RNF13: variants seen among roughly 807,000 people sequenced by gnomAD.
The protein encoded by RNF13 is E3 ubiquitin-protein ligase RNF13.
A neutral mutation model predicts 37.7 loss-of-function variants in RNF13; 19 were observed. The observed-to-expected ratio is 0.50, with a 90% confidence interval of 0.35 to 0.74. The LOEUF is 0.74. Among genes scored for constraint, RNF13 ranks in the 30% least tolerant of loss-of-function variants. RNF13 has a pLI of 0.01. For missense variants in RNF13, 375 were observed against 453.0 expected (o/e 0.83, Z 1.56); for synonymous variants, 144 against 157.8 (o/e 0.91, Z 0.65).
intron 4 of RNF13, among the ~76,000 whole-genome samples, chr3:149,884,143 G>C (rs1283139029): frequency 6.6e-6 from 1 of 152,112 alleles, no homozygotes; most frequent in Non-Finnish European, 1.5e-5. Context: ...GTTGTGAATA[G>C]TGCATGTCTA....
intron 6 of RNF13, among the ~76,000 whole-genome samples, chr3:149,908,302 G>A (rs1716637275): frequency 6.6e-6 from 1 of 152,094 alleles, no homozygotes; most frequent in South Asian, 2.1e-4. Flanking sequence ...GCCTTTGGGA[G>A]GGTATTTAAT....
intron 8 of RNF13, among the ~76,000 whole-genome samples, chr3:149,942,550 G>T (rs571840573): frequency 7.9e-5 from 12 of 152,162 alleles, no homozygotes; most frequent in African/African-American, 2.9e-4. Context: ...TTGATTGTTA[G>T]TGTATAGAAA....
chr3:149,813,830 A>G (rs1719151127), intron 1 of RNF13: 1 of 152,306 alleles, frequency 6.6e-6, no homozygotes, highest in African/African-American at 2.4e-5. Flanking sequence ...TTTGGGACTT[A>G]ACCCCTGCTA....
At chr3:149,878,784 T>C (rs1437600195) in intron 4 of RNF13, among the ~76,000 whole-genome samples, 1 of 152,180 alleles carries the variant, frequency 6.6e-6, no homozygotes, top group African/African-American at 2.4e-5. Context: ...TCTTCCCTTA[T>C]AGAATAAGTA....
intron 8 of RNF13, among the ~76,000 whole-genome samples, chr3:149,921,627 G>A (rs1009425267): frequency 3.3e-5 from 5 of 152,140 alleles, no homozygotes; most frequent in Non-Finnish European, 2.9e-5. Flanking sequence ...CAAAGGACAC[G>A]ACCTCATCTG....
At chr3:149,868,936 A>G (rs1036656634) in intron 3 of RNF13, among the ~76,000 whole-genome samples, 2 of 151,660 alleles carry the variant, frequency 1.3e-5, no homozygotes, top group African/African-American at 2.4e-5. Context: ...AGCTTTCTAT[A>G]CCTTACTTTT....
chr3:149,828,074 G>A (rs1347134285), intron 1 of RNF13, among the ~76,000 whole-genome samples: 1 of 152,044 alleles, frequency 6.6e-6, no homozygotes, highest in Non-Finnish European at 1.5e-5. Context: ...CTAAGTGCGA[G>A]TCATTGGACT....
At chr3:149,836,099 G>A (rs1721598247) in intron 1 of RNF13, among the ~76,000 whole-genome samples, 1 of 152,078 alleles carries the variant, frequency 6.6e-6, no homozygotes, top group African/African-American at 2.4e-5. Context: ...GGAGTAAGGT[G>A]GTATTGCATA....
rs143167788 is a variant in RNF13, at chr3:149,919,086, A to G, written c.607-2048A>G. Among the ~76,000 whole-genome samples, 935 of 152,118 alleles carry G rather than the reference A, an allele frequency of 6.1e-3. 9 individuals are homozygous for G. Among genetic ancestry groups the G allele is most frequent in the African/African-American group, 0.017 (709 of 41,492 alleles). Reference sequence around the variant, plus strand: ...AACTTTTACTTTCTTTTTCCTATTGATATGAACATTTGCATTATATTGCTG... The same window carrying G: ...AACTTTTACTTTCTTTTTCCTATTGGTATGAACATTTGCATTATATTGCTG... On this transcript the variant is annotated intron_variant, in intron 7 of 9. Transcript: ENST00000392894.
rs1722417100 is a variant in RNF13 at position 149,961,424 on chromosome 3, T to C, written c.*320T>C. The C allele has an allele frequency of 2.1e-6, 1 of 481,346 alleles. No homozygotes were observed. The allele number at this position is 481,346 out of a possible 1,614,324, so 29.8% of individuals were successfully genotyped here. On this transcript the variant is annotated 3_prime_UTR_variant, in exon 10 of 10. Transcript: ENST00000392894. ...ACCTAGATCACAGTATTTAAGTGTT[T>C]TGCGTTTTATACATGAGGTCAGTGC...
intron 4 of RNF13, among the ~76,000 whole-genome samples, chr3:149,872,874 G>A (rs1205272504): frequency 1.3e-5 from 2 of 152,144 alleles, no homozygotes; most frequent in African/African-American, 4.8e-5. Context: ...TTGATTGCAT[G>A]GAAGAAATGA....
chr3:149,955,586 T>TA (rs1341851688), intron 8 of RNF13, among the ~76,000 whole-genome samples: 1 of 152,156 alleles, frequency 6.6e-6, no homozygotes, highest in Non-Finnish European at 1.5e-5. Context: ...ACAGGGCAAT[T>TA]AAAAAGAATT....
At chr3:149,929,989 A>G (rs906248278) in intron 8 of RNF13, among the ~76,000 whole-genome samples, 1 of 152,108 alleles carries the variant, frequency 6.6e-6, no homozygotes, top group African/African-American at 2.4e-5. Flanking sequence ...GCAGTGGTGC[A>G]ATCTCGGCTC....
Position 149,961,416 on chromosome 3 carries a change from T to C in RNF13, c.*312T>C, listed in dbSNP as rs1332399313. 1.2e-5 allele frequency: 6 copies of C among 500,092 alleles called. No homozygotes were observed. The highest frequency in any genetic ancestry group is 6.1e-4 in the Middle Eastern group (2 of 3,296). The allele number at this position is 500,092 out of a possible 1,614,324, so 31.0% of individuals were successfully genotyped here. A position where few individuals can be genotyped will look rare whatever the true frequency, so the allele number is the denominator to read the frequency against. On this transcript the variant is annotated 3_prime_UTR_variant, in exon 10 of 10. Transcript: ENST00000392894. ...CAATTAAGACCTAGATCACAGTATTTAAGTGTTTTGCGTTTTATACATGAG... is the reference window on the plus strand; with the variant it reads ...CAATTAAGACCTAGATCACAGTATTCAAGTGTTTTGCGTTTTATACATGAG...
At chr3:149,854,333 T>A (rs1032031752) in intron 3 of RNF13, among the ~76,000 whole-genome samples, 1 of 152,212 alleles carries the variant, frequency 6.6e-6, no homozygotes, top group Non-Finnish European at 1.5e-5. Flanking sequence ...CTTACCTATA[T>A]GTAGCAGTCA....
intron 3 of RNF13, among the ~76,000 whole-genome samples, chr3:149,865,255 C>T (rs867458979): frequency 6.7e-6 from 1 of 150,334 alleles, no homozygotes; most frequent in Non-Finnish European, 1.5e-5. Context: ...TCAATGGTTA[C>T]AGTAGACTGG....
chr3:149,920,767 A>G (rs1718033700), intron 7 of RNF13, among the ~76,000 whole-genome samples: 1 of 145,742 alleles, frequency 6.9e-6, no homozygotes, highest in African/African-American at 2.5e-5. Context: ...TTTGTAATAT[A>G]TAGGAATATC....
intron 8 of RNF13, 69 bp downstream of exon 8, chr3:149,921,296 A>T: frequency 1.9e-6 from 1 of 521,116 alleles, no homozygotes; most frequent in East Asian, 4.2e-5. Context: ...TACTCTTTAA[A>T]AAAATTTTTA....
chr3:149,846,021 A>T lies in RNF13; in HGVS notation c.-6A>T. On this transcript the variant is annotated 5_prime_UTR_variant, in exon 2 of 10. Coordinates refer to ENST00000392894, the MANE Select transcript of RNF13 (RefSeq NM_183381.3). Reference sequence around the variant, plus strand: ...ATCCTTGTCTTCCAGGTGATTTTACAACGAGATGCTGCTCTCCATAGGGAT... The same window carrying T: ...ATCCTTGTCTTCCAGGTGATTTTACTACGAGATGCTGCTCTCCATAGGGAT... 6.3e-7 allele frequency: 1 copy of T among 1,596,188 alleles called. No homozygotes were observed.
Sources: allele counts gnomAD v4.1 joint callset (sites outside exome capture counted in the v4.1 genomes callset), GRCh38; gene constraint gnomAD v4.1.1; transcripts MANE v1.5; gene names NCBI Gene and HGNC (gene_info 2026-07-23, HGNC 2026-07-21).